Variants in NTM observed in about 807,000 individuals in gnomAD.
NTM encodes the protein neurotrimin, also known as IgLON family member 2.
A neutral mutation model predicts 42.1 loss-of-function variants in NTM; 13 were observed. That is an observed-to-expected ratio of 0.31 (90% CI 0.20 to 0.49). The LOEUF is 0.49. Ranked by LOEUF, NTM falls within the 20% of genes least tolerant of loss-of-function variation. The pLI, the probability that NTM is intolerant of heterozygous loss-of-function variation, is 0.99. For synonymous variants in NTM, 187 were observed against 179.2 expected, an observed-to-expected ratio of 1.04 and a Z score of -0.35; for missense variants, 373 against 452.8, an observed-to-expected ratio of 0.82 and a Z score of 1.60.
chr11:132,329,266 G>C (rs1195698988), intron 7 of NTM, among the ~76,000 whole-genome samples: 1 of 152,144 alleles, frequency 6.6e-6, no homozygotes, highest in Non-Finnish European at 1.5e-5. Context: ...CTGTATCCAG[G>C]GTGAACGACA....
chr11:131,436,950 T>C (rs1949185925), intron 1 of NTM, among the ~76,000 whole-genome samples: 1 of 152,228 alleles, frequency 6.6e-6, no homozygotes, highest in African/African-American at 2.4e-5. Context: ...TACACACTGC[T>C]TTAAATGTGT....
intron 1 of NTM, among the ~76,000 whole-genome samples, chr11:131,867,447 GTA>G (rs2047334857): frequency 6.6e-6 from 1 of 151,946 alleles, no homozygotes; most frequent in South Asian, 2.1e-4. Context: ...AACCATATGT[GTA>G]TGTGTGTGTG....
chr11:131,819,135 C>G (rs890900191), intron 1 of NTM, among the ~76,000 whole-genome samples: 1 of 152,180 alleles, frequency 6.6e-6, no homozygotes. Context: ...TCTGTCTACT[C>G]TGAAGTTCAT....
intron 2 of NTM, among the ~76,000 whole-genome samples, chr11:132,100,390 C>T (rs1030213232): frequency 2.6e-5 from 4 of 152,140 alleles, no homozygotes; most frequent in South Asian, 2.1e-4. Context: ...TGTGGGCAGG[C>T]GGATCATCAC....
intron 1 of NTM, among the ~76,000 whole-genome samples, chr11:131,524,690 T>C (rs144995502): frequency 7.9e-4 from 120 of 152,336 alleles, no homozygotes; most frequent in African/African-American, 2.9e-3. Flanking sequence ...ATCTGAGACG[T>C]AATTTAGCAA....
intron 1 of NTM, among the ~76,000 whole-genome samples, chr11:131,873,381 G>T (rs2048003921): frequency 6.6e-6 from 1 of 151,414 alleles, no homozygotes; most frequent in South Asian, 2.1e-4. Context: ...GGCAAGGGGA[G>T]ATACAGCGTT....
At chr11:131,809,044 G>A (rs58691074) in intron 1 of NTM, among the ~76,000 whole-genome samples, 2,666 of 152,342 alleles carry the variant, frequency 0.018, 85 homozygotes, top group African/African-American at 0.061. Context: ...GTGGATGCAT[G>A]TGCAATATGT....
intron 1 of NTM, among the ~76,000 whole-genome samples, chr11:131,477,679 G>A (rs966589662): frequency 2.0e-5 from 3 of 151,740 alleles, no homozygotes; most frequent in Admixed American, 6.6e-5. Context: ...ATTTACTGAT[G>A]AGTCTCAAAA....
Position 132,211,119 on chromosome 11 carries a change from TG to T in NTM, c.401-901del, listed in dbSNP as rs1371467213. ...GTAGGGAAAGTTTCAACAAAGAAAG[TG>T]GCATTTGCTTTGGGCCTTAAGGATG... On this transcript the variant is annotated intron_variant, in intron 3 of 8. Coordinates refer to ENST00000683400, the MANE Select transcript of NTM (RefSeq NM_001352005.2). Among the ~76,000 whole-genome samples the T allele has an allele frequency of 1.3e-3, 200 of 151,654 alleles. 5 individuals are homozygous for T. Among genetic ancestry groups the T allele is most frequent in the Admixed American group, 0.013 (198 of 15,248 alleles).
At chr11:132,095,774 A>T (rs954700696) in intron 2 of NTM, among the ~76,000 whole-genome samples, 2 of 152,188 alleles carry the variant, frequency 1.3e-5, no homozygotes, top group African/African-American at 2.4e-5. Context: ...GAAGACACGT[A>T]TTAGAAAGGG....
intron 1 of NTM, among the ~76,000 whole-genome samples, chr11:131,910,460 G>GCCCGCGCCCCGCGCCCCGCGC (rs772413977): frequency 6.6e-6 from 1 of 150,890 alleles, no homozygotes; most frequent in Non-Finnish European, 1.5e-5. Context: ...TAAGGTGGGC[G>GCCCGCGCCCCGCGCCCCGCGC]CCCGCGCCCC....
chr11:132,024,476 A>C (rs903249372), intron 2 of NTM, among the ~76,000 whole-genome samples: 1 of 152,218 alleles, frequency 6.6e-6, no homozygotes, highest in Admixed American at 6.5e-5. Flanking sequence ...TATAATGGCT[A>C]ATACAATGCA....
At position 131,805,133 on chromosome 11, in the gene NTM, G is replaced by T. The variant is rs1383294062; in HGVS notation, c.83-106431G>T. On this transcript the variant is annotated intron_variant, in intron 1 of 8. Transcript: ENST00000683400. ...ACGTTATAATATATGCTCCTATAAAGTAGAGGCCATCCTCACCATCTTCAT... is the reference window on the plus strand; with the variant it reads ...ACGTTATAATATATGCTCCTATAAATTAGAGGCCATCCTCACCATCTTCAT... Among the ~76,000 whole-genome samples, 3 of 152,142 alleles carry T rather than the reference G, an allele frequency of 2.0e-5. No individual in the cohort carries two copies. In the East Asian group the frequency reaches 5.8e-4, roughly 29 times the overall value.
intron 1 of NTM, among the ~76,000 whole-genome samples, chr11:131,415,761 A>G (rs75316045): frequency 0.028 from 4,303 of 152,314 alleles, 202 homozygotes; most frequent in African/African-American, 0.098. Flanking sequence ...TGTATGCTGA[A>G]GAACAACTGT....
intron 2 of NTM, among the ~76,000 whole-genome samples, chr11:132,010,817 C>T (rs1422360374): frequency 6.6e-6 from 1 of 151,990 alleles, no homozygotes; most frequent in Non-Finnish European, 1.5e-5. Flanking sequence ...CAGCTGTGTG[C>T]TATCTCTCTT....
chr11:131,847,300 A>C (rs1220624822), intron 1 of NTM, among the ~76,000 whole-genome samples: 1 of 150,752 alleles, frequency 6.6e-6, no homozygotes, highest in East Asian at 1.9e-4. Context: ...CATAAGTTTC[A>C]ATTCTTATTA....
At chr11:131,839,022 G>A (rs550211250) in intron 1 of NTM, among the ~76,000 whole-genome samples, 337 of 150,860 alleles carry the variant, frequency 2.2e-3, no homozygotes, top group Middle Eastern at 0.01. Flanking sequence ...GTGCAATGGC[G>A]CAATCTCGGC....
intron 4 of NTM, among the ~76,000 whole-genome samples, chr11:132,268,207 T>A (rs969743857): frequency 2.6e-5 from 4 of 152,230 alleles, no homozygotes; most frequent in Admixed American, 1.3e-4. Context: ...TTAGTTCCAA[T>A]AAGACTTATA....
At chr11:131,800,855 G>A (rs2092047306) in intron 1 of NTM, among the ~76,000 whole-genome samples, 1 of 152,156 alleles carries the variant, frequency 6.6e-6, no homozygotes. Flanking sequence ...GTTTATCAAG[G>A]AAATGGAGTT....
Sources: allele counts gnomAD v4.1 joint callset (sites outside exome capture counted in the v4.1 genomes callset), GRCh38; gene constraint gnomAD v4.1.1; transcripts MANE v1.5; gene names NCBI Gene and HGNC (gene_info 2026-07-23, HGNC 2026-07-21).